The following MTMR7 variants were observed in gnomAD, a reference collection of about 807,000 sequenced individuals.
The protein encoded by MTMR7 is phosphatidylinositol-3-phosphate phosphatase MTMR7.
MTMR7 carries 76 observed loss-of-function variants against 81.2 expected under a neutral mutation model. That is an observed-to-expected ratio of 0.94 (90% CI 0.78 to 1.13). MTMR7 has a LOEUF of 1.13. MTMR7 is among the 50% of genes most tolerant of loss of function. The pLI is 0.00. For synonymous variants in MTMR7, 372 were observed against 289.8 expected (o/e 1.28, Z -2.88); for missense variants, 1,044 against 820.0 (o/e 1.27, Z -3.34).
intron 8 of MTMR7, among the ~76,000 whole-genome samples, 157 bp downstream of exon 8, chr8:17,313,135 A>G (rs559180501): frequency 3.3e-5 from 5 of 152,212 alleles, no homozygotes; most frequent in Non-Finnish European, 7.3e-5. Flanking sequence ...TCGCAAAATC[A>G]TATCTTCAGC....
At chr8:17,351,492 T>G (rs986744141) in intron 4 of MTMR7, among the ~76,000 whole-genome samples, 9 of 152,216 alleles carry the variant, frequency 5.9e-5, no homozygotes, top group Non-Finnish European at 8.8e-5. Context: ...GAAGACCACC[T>G]CCTGCCCTCT....
At chr8:17,372,879 T>G in intron 2 of MTMR7, 1 of 417,018 alleles carries the variant, frequency 2.4e-6, no homozygotes, top group Non-Finnish European at 4.3e-6. Flanking sequence ...CACTTGTATC[T>G]TCTGGCTAGT....
chr8:17,299,769 A>G lies in MTMR7; in HGVS notation c.*93T>C, dbSNP rs917621592. On this transcript the variant is annotated 3_prime_UTR_variant, in exon 14 of 14. Coordinates refer to ENST00000180173, the MANE Select transcript of MTMR7 (RefSeq NM_004686.5). Reference sequence around the variant, plus strand: ...ATTAAAGTAGTTCTCAATGACATGCACCATTTCCTGTTTTTACAATAAACC... The same window carrying G: ...ATTAAAGTAGTTCTCAATGACATGCGCCATTTCCTGTTTTTACAATAAACC... The G allele has an allele frequency of 2.6e-6, 4 of 1,524,788 alleles. No individual in the cohort carries two copies. Among genetic ancestry groups the G allele is most frequent in the Non-Finnish European group, 2.7e-6 (3 of 1,128,316 alleles). The allele number at this position is 1,524,788 out of a possible 1,614,324, so 94.5% of individuals were successfully genotyped here.
chr8:17,398,049 T>C (rs1385474793), intron 1 of MTMR7, among the ~76,000 whole-genome samples: 3 of 152,184 alleles, frequency 2.0e-5, no homozygotes, highest in East Asian at 1.9e-4. Context: ...CCGAGGGCTC[T>C]TGAATACCTG....
chr8:17,406,899 A>T (rs1472885412), intron 1 of MTMR7, among the ~76,000 whole-genome samples: 1 of 152,176 alleles, frequency 6.6e-6, no homozygotes, highest in African/African-American at 2.4e-5. Flanking sequence ...TAAAATGTCC[A>T]GAAAAACAAA....
intron 7 of MTMR7, among the ~76,000 whole-genome samples, chr8:17,314,582 G>A (rs1452967076): frequency 1.3e-5 from 2 of 152,096 alleles, no homozygotes; most frequent in African/African-American, 4.8e-5. Flanking sequence ...CAGATAAGAG[G>A]ATTCACTGTG....
intron 7 of MTMR7, among the ~76,000 whole-genome samples, chr8:17,322,415 G>A (rs191995732): frequency 6.0e-4 from 91 of 152,302 alleles, no homozygotes; most frequent in African/African-American, 2.0e-3. Flanking sequence ...GAATTTTTGT[G>A]TCTAAAGACA....
chr8:17,371,297 G>A (rs1050334592), intron 2 of MTMR7, 98 bp from the exon 3 acceptor site: 19 of 1,372,936 alleles, frequency 1.4e-5, no homozygotes, highest in Middle Eastern at 2.7e-4. Context: ...GACAAGAAAC[G>A]CTCCCCAACC....
intron 4 of MTMR7, among the ~76,000 whole-genome samples, chr8:17,354,045 G>T (rs939114007): frequency 6.6e-6 from 1 of 152,136 alleles, no homozygotes; most frequent in Non-Finnish European, 1.5e-5. Context: ...ATCACTGCAG[G>T]CTACTAGCCA....
At chr8:17,365,607 C>T (rs1339733655) in intron 3 of MTMR7, among the ~76,000 whole-genome samples, 2 of 152,154 alleles carry the variant, frequency 1.3e-5, no homozygotes, top group Non-Finnish European at 2.9e-5. Flanking sequence ...ACGAAGGCCT[C>T]ACCCTAAGGG....
At chr8:17,343,877 A>G (rs973559496) in intron 5 of MTMR7, among the ~76,000 whole-genome samples, 10 of 152,220 alleles carry the variant, frequency 6.6e-5, no homozygotes, top group African/African-American at 2.4e-4. Context: ...TACATGCCCT[A>G]GACAGATTAT....
chr8:17,354,923 C>A (rs545220007), intron 4 of MTMR7, among the ~76,000 whole-genome samples: 1 of 152,246 alleles, frequency 6.6e-6, no homozygotes, highest in African/African-American at 2.4e-5. Flanking sequence ...TAGGTTTTTA[C>A]CTTTTCTGCT....
intron 7 of MTMR7, among the ~76,000 whole-genome samples, chr8:17,320,425 A>G (rs756604): frequency 0.42 from 64,399 of 151,860 alleles, 15,706 homozygotes; most frequent in East Asian, 0.78. Flanking sequence ...GTAAGGTGGC[A>G]ACAAGGCAAT....
At chr8:17,413,099 C>G (rs951946051) in intron 1 of MTMR7, among the ~76,000 whole-genome samples, 170 bp downstream of exon 1, 1 of 152,176 alleles carries the variant, frequency 6.6e-6, no homozygotes, top group East Asian at 1.9e-4. Flanking sequence ...AGAGAACGAC[C>G]GGGCTCGCAG....
intron 6 of MTMR7, among the ~76,000 whole-genome samples, chr8:17,333,691 A>T (rs1819126981): frequency 1.3e-5 from 2 of 152,150 alleles, no homozygotes. Context: ...TTCTACAAAA[A>T]AATGCAAAAA....
At chr8:17,323,936 A>C (rs1420337202) in intron 7 of MTMR7, among the ~76,000 whole-genome samples, 1 of 152,216 alleles carries the variant, frequency 6.6e-6, no homozygotes, top group Admixed American at 6.5e-5. Context: ...AACATTTTAA[A>C]ATTAATCTTT....
chr8:17,339,665 T>A (rs1819349769), intron 6 of MTMR7, among the ~76,000 whole-genome samples: 1 of 152,264 alleles, frequency 6.6e-6, no homozygotes, highest in South Asian at 2.1e-4. Context: ...TATGAACATT[T>A]GGTTATTTAC....
At chr8:17,300,669 G>T (rs1198808495) in intron 13 of MTMR7, among the ~76,000 whole-genome samples, 1 of 152,118 alleles carries the variant, frequency 6.6e-6, no homozygotes, top group African/African-American at 2.4e-5. Context: ...GTGGTTTTTA[G>T]TTATATTCAC....
At chr8:17,399,944 G>C (rs1393554001) in intron 1 of MTMR7, among the ~76,000 whole-genome samples, 1 of 150,826 alleles carries the variant, frequency 6.6e-6, no homozygotes, top group African/African-American at 2.4e-5. Flanking sequence ...TATCACCTGA[G>C]ATTAAATTTC....
Sources: allele counts gnomAD v4.1 joint callset (sites outside exome capture counted in the v4.1 genomes callset), GRCh38; gene constraint gnomAD v4.1.1; transcripts MANE v1.5; gene names NCBI Gene and HGNC (gene_info 2026-07-23, HGNC 2026-07-21).